The following EYS variants were observed in gnomAD, a reference collection of about 807,000 sequenced individuals.
EYS encodes protein eyes shut homolog.
EYS carries 250 observed loss-of-function variants against 282.1 expected under a neutral mutation model. The ratio of observed to expected loss-of-function variants is 0.89; its 90% CI spans 0.80 to 0.98. The LOEUF (loss-of-function observed/expected upper bound fraction) is 0.98. EYS is among the 50% of genes least tolerant of loss of function. The probability of loss-of-function intolerance (pLI) is 0.00; values close to 1 mark genes in which losing one functional copy is unlikely to be tolerated. For missense variants in EYS, 4,016 were observed against 3,709.0 expected (o/e 1.08, Z -2.15); for synonymous variants, 1,355 against 1,282.9 (o/e 1.06, Z -1.20).
chr6:64,442,084 T>C (rs1774967854), intron 26 of EYS, among the ~76,000 whole-genome samples: 1 of 152,160 alleles, frequency 6.6e-6, no homozygotes, highest in African/African-American at 2.4e-5. Flanking sequence ...TAGAGACTTG[T>C]TGAATGGCTT....
chr6:63,852,935 C>G (rs1478261970), intron 36 of EYS, among the ~76,000 whole-genome samples: 3 of 152,138 alleles, frequency 2.0e-5, no homozygotes, highest in African/African-American at 4.8e-5. Context: ...ATTCAACACC[C>G]CTTCATGCTA....
intron 35 of EYS, among the ~76,000 whole-genome samples, chr6:63,927,185 G>T (rs962550295): frequency 6.6e-6 from 1 of 152,112 alleles, no homozygotes; most frequent in Non-Finnish European, 1.5e-5. Flanking sequence ...AGAAAAGTAG[G>T]GATATTACCA....
chr6:65,654,365 T>C (rs1027835029), intron 1 of EYS, among the ~76,000 whole-genome samples: 1 of 151,826 alleles, frequency 6.6e-6, no homozygotes, highest in Non-Finnish European at 1.5e-5. Flanking sequence ...CAAGAAATCC[T>C]GTAGGAGAGG....
intron 13 of EYS, among the ~76,000 whole-genome samples, chr6:65,011,786 T>A (rs535188601): frequency 1.7e-4 from 26 of 152,240 alleles, no homozygotes; most frequent in African/African-American, 6.0e-4. Flanking sequence ...CTCACTAAAA[T>A]GCTAATTAGG....
chr6:64,653,741 T>TTTTTC (rs1386150191), intron 22 of EYS, among the ~76,000 whole-genome samples: 1 of 151,028 alleles, frequency 6.6e-6, no homozygotes, highest in Non-Finnish European at 1.5e-5. Context: ...TTTTTTTTTT[T>TTTTTC]TTTGGTAGAG....
chr6:64,657,681 C>T (rs1042262284), intron 22 of EYS, among the ~76,000 whole-genome samples: 1 of 152,100 alleles, frequency 6.6e-6, no homozygotes, highest in South Asian at 2.1e-4. Flanking sequence ...TGAATATTGG[C>T]CCCCACTCTC....
chr6:65,199,982 AGAGAGAATAC>A, intron 12 of EYS, among the ~76,000 whole-genome samples: 1 of 144,598 alleles, frequency 6.9e-6, no homozygotes, highest in African/African-American at 2.9e-5. Flanking sequence ...TTGGGGTTTT[AGAGAGAATAC>A]TCTGTTATCT....
Position 63,984,540 on chromosome 6 carries a change from C to T in EYS, c.6898G>A (p.Gly2300Ser). 1 of 1,549,678 alleles carries T rather than the reference C, an allele frequency of 6.5e-7. No homozygotes were observed. The highest frequency in any genetic ancestry group is 8.7e-7 in the Non-Finnish European group (1 of 1,145,592). ...CAGCCCCTGAACCCATAAACAGGAC[C>T]TGCTTTCTTATGAATTTGAACATTT... ...PANVQIHKKA[G>S]PVYGFRGCIL... The change falls in exon 35 of 43, where the codon GGT becomes AGT. Residue 2300 changes from glycine to serine, a missense_variant. Coordinates refer to ENST00000503581, the MANE Select transcript of EYS (RefSeq NM_001142800.2).
chr6:65,089,090 G>A (rs1212095291), intron 12 of EYS, among the ~76,000 whole-genome samples: 3 of 152,084 alleles, frequency 2.0e-5, no homozygotes, highest in African/African-American at 7.2e-5. Context: ...GTAGGGCCAG[G>A]GTCCTCAGGG....
At chr6:65,013,748 G>T (rs1029949901) in intron 13 of EYS, among the ~76,000 whole-genome samples, 2 of 152,090 alleles carry the variant, frequency 1.3e-5, no homozygotes, top group African/African-American at 4.8e-5. Context: ...TATAGTCCCA[G>T]CTACTACTTG....
At chr6:64,739,238 A>T (rs907455172) in intron 22 of EYS, among the ~76,000 whole-genome samples, 1 of 152,218 alleles carries the variant, frequency 6.6e-6, no homozygotes, top group Non-Finnish European at 1.5e-5. Flanking sequence ...TTTGTTTTTG[A>T]AAACTAAAAC....
chr6:64,227,769 A>G, intron 31 of EYS, among the ~76,000 whole-genome samples: 1 of 152,130 alleles, frequency 6.6e-6, no homozygotes, highest in African/African-American at 2.4e-5. Context: ...GTACTCAATA[A>G]GGGATTCATT....
chr6:64,143,592 A>G (rs2150289649), intron 31 of EYS, among the ~76,000 whole-genome samples: 1 of 152,284 alleles, frequency 6.6e-6, no homozygotes, highest in East Asian at 1.9e-4. Context: ...GGAGATACCC[A>G]CTAATGAATG....
At chr6:64,689,840 A>ATGGTCTATG (rs1770305424) in intron 22 of EYS, among the ~76,000 whole-genome samples, 1 of 152,022 alleles carries the variant, frequency 6.6e-6, no homozygotes, top group African/African-American at 2.4e-5. Flanking sequence ...GATGGATTAA[A>ATGGTCTATG]GACCTAAATG....
chr6:64,013,211 C>T (rs114370376), intron 33 of EYS, among the ~76,000 whole-genome samples: 2,087 of 152,230 alleles, frequency 0.014, 42 homozygotes, highest in African/African-American at 0.047. Flanking sequence ...ATACAACCAG[C>T]CATCACGAGA....
At chr6:64,109,899 T>G (rs1424083659) in intron 31 of EYS, among the ~76,000 whole-genome samples, 1 of 152,068 alleles carries the variant, frequency 6.6e-6, no homozygotes, top group Non-Finnish European at 1.5e-5. Flanking sequence ...GCAATGGGTA[T>G]GAAAATAAGG....
At chr6:65,168,438 G>A (rs1039643843) in intron 12 of EYS, among the ~76,000 whole-genome samples, 3 of 151,230 alleles carry the variant, frequency 2.0e-5, no homozygotes, top group Non-Finnish European at 3.0e-5. Context: ...CAAGGCACCA[G>A]CAGACTCAAG....
intron 2 of EYS, among the ~76,000 whole-genome samples, chr6:65,607,358 CT>C (rs1765833280): frequency 6.6e-6 from 1 of 151,838 alleles, no homozygotes; most frequent in Non-Finnish European, 1.5e-5. Context: ...AGTAACTTCT[CT>C]CTAAAGTTAT....
At chr6:65,649,436 G>A (rs1369263161) in intron 1 of EYS, among the ~76,000 whole-genome samples, 1 of 151,958 alleles carries the variant, frequency 6.6e-6, no homozygotes, top group Non-Finnish European at 1.5e-5. Context: ...AAAAGAAGCT[G>A]ATTACTAAGA....
Sources: gnomAD v4.1 joint callset for allele counts (sites outside exome capture counted in the v4.1 genomes callset) on GRCh38, gnomAD v4.1.1 for gene constraint, MANE v1.5 for transcripts, NCBI Gene and HGNC (gene_info 2026-07-23, HGNC 2026-07-21) for gene names.